The following FHOD3 variants were observed in gnomAD, a reference collection of about 807,000 sequenced individuals.
FHOD3 encodes FH1/FH2 domain-containing protein 3.
A neutral mutation model predicts 173.0 loss-of-function variants in FHOD3; 90 were observed. The ratio of observed to expected loss-of-function variants is 0.52; its 90% confidence interval spans 0.44 to 0.62. The LOEUF (loss-of-function observed/expected upper bound fraction) is 0.62, where lower values mean the gene tolerates loss of function less well. FHOD3 is among the 20% of genes least tolerant of loss of function. FHOD3 has a pLI of 0.00. For missense variants in FHOD3, 1,945 were observed against 2,034.7 expected, an observed-to-expected ratio of 0.96 and a Z score of 0.85; for synonymous variants, 828 against 823.0, an observed-to-expected ratio of 1.01 and a Z score of -0.10.
chr18:36,522,867 C>A (rs1436609814), intron 5 of FHOD3, among the ~76,000 whole-genome samples: 1 of 152,184 alleles, frequency 6.6e-6, no homozygotes, highest in Non-Finnish European at 1.5e-5. Flanking sequence ...TTATATGACA[C>A]ATGTTCAAGT....
chr18:36,716,434 G>A (rs147799363), intron 18 of FHOD3, among the ~76,000 whole-genome samples: 64 of 152,350 alleles, frequency 4.2e-4, no homozygotes, highest in African/African-American at 1.4e-3. Context: ...TTAAGTTGCC[G>A]TAGCTGAGAC....
chr18:36,769,572 T>G (rs910857548), intron 28 of FHOD3, 146 bp downstream of exon 28: 4 of 1,154,250 alleles, frequency 3.5e-6, no homozygotes, highest in Non-Finnish European at 4.8e-6. Context: ...ACAGAAAGTT[T>G]CAGGGTTGGC....
chr18:36,660,583 G>A (rs1470908805), intron 14 of FHOD3, among the ~76,000 whole-genome samples: 3 of 152,190 alleles, frequency 2.0e-5, no homozygotes, highest in Non-Finnish European at 4.4e-5. Flanking sequence ...AAGAGGAGAC[G>A]CAAAATGAGT....
chr18:36,681,605 A>G, intron 15 of FHOD3, 35 bp downstream of exon 15: 2 of 1,534,836 alleles, frequency 1.3e-6, no homozygotes, highest in Non-Finnish European at 1.7e-6. Context: ...TTAAATAGTG[A>G]GTTAAAAATT....
intron 3 of FHOD3, among the ~76,000 whole-genome samples, chr18:36,463,102 T>C (rs1474088044): frequency 6.6e-6 from 1 of 152,108 alleles, no homozygotes; most frequent in African/African-American, 2.4e-5. Context: ...TTCTCAACTT[T>C]TTAAAAGATT....
At chr18:36,669,749 T>C (rs2149305539) in intron 14 of FHOD3, among the ~76,000 whole-genome samples, 1 of 152,122 alleles carries the variant, frequency 6.6e-6, no homozygotes, top group South Asian at 2.1e-4. Flanking sequence ...CCACAATACA[T>C]TGTTATTATG....
intron 18 of FHOD3, among the ~76,000 whole-genome samples, chr18:36,711,754 A>G (rs991181508): frequency 1.3e-5 from 2 of 152,230 alleles, no homozygotes; most frequent in Non-Finnish European, 1.5e-5. Context: ...GACTTAAATT[A>G]TATGACAGTG....
chr18:36,542,730 T>C (rs1373616177), intron 5 of FHOD3, among the ~76,000 whole-genome samples: 1 of 152,166 alleles, frequency 6.6e-6, no homozygotes, highest in Non-Finnish European at 1.5e-5. Context: ...TTAAAGGGGA[T>C]GAATTTGCAA....
intron 1 of FHOD3, among the ~76,000 whole-genome samples, chr18:36,305,978 A>G (rs1235042276): frequency 1.3e-5 from 2 of 152,352 alleles, no homozygotes; most frequent in Non-Finnish European, 2.9e-5. Flanking sequence ...CAAGTCGTTG[A>G]TAGAATACTG....
At chr18:36,610,878 C>T (rs2032604418) in intron 8 of FHOD3, among the ~76,000 whole-genome samples, 1 of 152,194 alleles carries the variant, frequency 6.6e-6, no homozygotes, top group Admixed American at 6.5e-5. Flanking sequence ...CAGCTCTGAG[C>T]CCAGGCTTTT....
intron 10 of FHOD3, among the ~76,000 whole-genome samples, chr18:36,644,015 G>A (rs1014777649): frequency 2.6e-5 from 4 of 152,122 alleles, no homozygotes; most frequent in African/African-American, 7.2e-5. Flanking sequence ...ACCCAAATCC[G>A]AGGCATTACA....
chr18:36,482,449 G>A (rs1334845274), intron 3 of FHOD3, among the ~76,000 whole-genome samples: 1 of 115,242 alleles, frequency 8.7e-6, no homozygotes, highest in Non-Finnish European at 1.9e-5. Flanking sequence ...ACCACTGCGT[G>A]ACCCCCCCGC....
chr18:36,387,560 T>C (rs1226158909), intron 3 of FHOD3, among the ~76,000 whole-genome samples: 2 of 152,188 alleles, frequency 1.3e-5, no homozygotes, highest in Non-Finnish European at 1.5e-5. Flanking sequence ...TTATGTTAAG[T>C]GCTGTAAAGG....
At chr18:36,362,608 G>A (rs1007946726) in intron 2 of FHOD3, among the ~76,000 whole-genome samples, 1 of 152,124 alleles carries the variant, frequency 6.6e-6, no homozygotes, top group African/African-American at 2.4e-5. Context: ...GAGTCTGGAG[G>A]TCGTGTCCTG....
intron 1 of FHOD3, among the ~76,000 whole-genome samples, chr18:36,320,677 C>A (rs2044349994): frequency 6.6e-6 from 1 of 152,200 alleles, no homozygotes; most frequent in African/African-American, 2.4e-5. Flanking sequence ...AGGGGCTTCA[C>A]TTTTTAAGAC....
intron 23 of FHOD3, among the ~76,000 whole-genome samples, chr18:36,746,672 A>AT (rs1345985551): frequency 2.0e-5 from 3 of 152,184 alleles, no homozygotes; most frequent in Non-Finnish European, 4.4e-5. Flanking sequence ...TCATGTTTTA[A>AT]TTTACAGTTC....
intron 13 of FHOD3, among the ~76,000 whole-genome samples, chr18:36,654,927 TG>T (rs1277893124): frequency 6.6e-6 from 1 of 152,180 alleles, no homozygotes; most frequent in African/African-American, 2.4e-5. Context: ...AGGAGCAGCA[TG>T]GGAAGATCCA....
At chr18:36,495,782 C>T (rs2054714212) in intron 3 of FHOD3, among the ~76,000 whole-genome samples, 1 of 152,150 alleles carries the variant, frequency 6.6e-6, no homozygotes, top group Non-Finnish European at 1.5e-5. Context: ...CGTGGGAGAC[C>T]CACACAGTGA....
At chr18:36,600,897 A>G (rs951344426) in intron 7 of FHOD3, among the ~76,000 whole-genome samples, 8 of 152,242 alleles carry the variant, frequency 5.3e-5, no homozygotes, top group Non-Finnish European at 8.8e-5. Flanking sequence ...TGAGCCATGC[A>G]TGGGTAACTC....
Sources: gnomAD v4.1 joint callset for allele counts (sites outside exome capture counted in the v4.1 genomes callset) on GRCh38, gnomAD v4.1.1 for gene constraint, MANE v1.5 for transcripts, NCBI Gene and HGNC (gene_info 2026-07-23, HGNC 2026-07-21) for gene names.